HPSE2: variants seen among roughly 807,000 people sequenced by gnomAD.
HPSE2 encodes heparanase 2 (inactive).
A neutral mutation model predicts 60.5 loss-of-function variants in HPSE2; 38 were observed. That is an observed-to-expected ratio of 0.63 (90% CI 0.48 to 0.82). HPSE2 has a LOEUF of 0.82. Among genes scored for constraint, HPSE2 ranks in the 40% least tolerant of loss-of-function variants. The probability of loss-of-function intolerance (pLI) is 0.00; values close to 1 mark genes in which losing one functional copy is unlikely to be tolerated. For missense variants in HPSE2, 713 were observed against 740.4 expected (o/e 0.96, Z 0.43); for synonymous variants, 295 against 293.2 (o/e 1.01, Z -0.06).
chr10:98,937,871 A>G (rs556243177), intron 3 of HPSE2, among the ~76,000 whole-genome samples: 3,644 of 142,958 alleles, frequency 0.025, 393 homozygotes, highest in Admixed American at 0.06. Flanking sequence ...CACATGGCCC[A>G]GTACTCCTCT....
chr10:98,807,237 G>T (rs1951063335), intron 3 of HPSE2, among the ~76,000 whole-genome samples: 1 of 152,028 alleles, frequency 6.6e-6, no homozygotes, highest in African/African-American at 2.4e-5. Context: ...TTTTATATGT[G>T]GCAAAACATA....
At chr10:98,884,702 G>T (rs963961353) in intron 3 of HPSE2, among the ~76,000 whole-genome samples, 14 of 152,074 alleles carry the variant, frequency 9.2e-5, no homozygotes, top group African/African-American at 3.4e-4. Context: ...TTTTTTCATG[G>T]ATGGTGGAGG....
intron 3 of HPSE2, among the ~76,000 whole-genome samples, chr10:98,757,466 T>C (rs1949904489): frequency 6.6e-6 from 1 of 152,124 alleles, no homozygotes; most frequent in South Asian, 2.1e-4. Flanking sequence ...CTGGAATGGA[T>C]AAACAACTTC....
chr10:99,239,280 A>G (rs539605914), upstream of HPSE2, among the ~76,000 whole-genome samples: 50 of 152,260 alleles, frequency 3.3e-4, no homozygotes, highest in African/African-American at 1.1e-3. Flanking sequence ...TCATAGATAA[A>G]TTGCTTTGAT....
intron 2 of HPSE2, among the ~76,000 whole-genome samples, chr10:99,185,773 CA>C (rs200522473): frequency 1.4e-5 from 2 of 143,546 alleles, no homozygotes; most frequent in Non-Finnish European, 1.5e-5. Flanking sequence ...GACTCCATCT[CA>C]AAAAAAAAGA....
At chr10:98,507,604 C>T (rs1373522146) in intron 9 of HPSE2, among the ~76,000 whole-genome samples, 5 of 152,054 alleles carry the variant, frequency 3.3e-5, no homozygotes, top group Non-Finnish European at 5.9e-5. Flanking sequence ...ACTCCTTTTT[C>T]ATCCTTGCAT....
intron 3 of HPSE2, among the ~76,000 whole-genome samples, chr10:98,846,993 G>T (rs1463850173): frequency 6.6e-6 from 1 of 152,204 alleles, no homozygotes; most frequent in Non-Finnish European, 1.5e-5. Context: ...CATGATCTCA[G>T]AGAAGTTTCA....
At chr10:99,273,206 G>A in the HPSE2 span, among the ~76,000 whole-genome samples, 1 of 152,170 alleles carries the variant, frequency 6.6e-6, no homozygotes, top group African/African-American at 2.4e-5. Context: ...TCATAAGTGG[G>A]AGCTAAGTTG....
intron 3 of HPSE2, among the ~76,000 whole-genome samples, chr10:99,010,835 G>A (rs1010912001): frequency 3.9e-5 from 6 of 152,096 alleles, no homozygotes; most frequent in African/African-American, 1.4e-4. Context: ...TCAGAACACT[G>A]ACAAGTCGGT....
At chr10:98,557,325 A>G (rs1944040467) in intron 9 of HPSE2, among the ~76,000 whole-genome samples, 1 of 152,198 alleles carries the variant, frequency 6.6e-6, no homozygotes, top group African/African-American at 2.4e-5. Context: ...ACCTTTACCT[A>G]TATATGATCA....
chr10:99,122,552 A>C (rs1348043854), intron 3 of HPSE2, among the ~76,000 whole-genome samples: 1 of 151,966 alleles, frequency 6.6e-6, no homozygotes, highest in Non-Finnish European at 1.5e-5. Context: ...AAAACTTACA[A>C]GTGGAAAAAA....
chr10:98,608,470 G>A (rs1236101157), intron 9 of HPSE2, among the ~76,000 whole-genome samples: 1 of 152,228 alleles, frequency 6.6e-6, no homozygotes, highest in Non-Finnish European at 1.5e-5. Context: ...GAACGTCTAC[G>A]TGAAAGCATT....
chr10:99,085,755 T>G (rs1459867021), intron 3 of HPSE2, among the ~76,000 whole-genome samples: 9 of 152,198 alleles, frequency 5.9e-5, no homozygotes, highest in Non-Finnish European at 1.5e-5. Flanking sequence ...AATGTGTACT[T>G]TCAGGGCAAA....
chr10:98,987,111 G>GA (rs1279135498), intron 3 of HPSE2, among the ~76,000 whole-genome samples: 1 of 151,734 alleles, frequency 6.6e-6, no homozygotes, highest in African/African-American at 2.4e-5. Flanking sequence ...CCGATCAATA[G>GA]AAAAAGAGGG....
intron 5 of HPSE2, among the ~76,000 whole-genome samples, chr10:98,703,304 CA>C (rs1223694893): frequency 6.6e-6 from 1 of 151,910 alleles, no homozygotes; most frequent in Non-Finnish European, 1.5e-5. Context: ...GCCTACCAAC[CA>C]AAAAAGGTCT....
chr10:98,489,716 C>T (rs932464406), intron 10 of HPSE2, among the ~76,000 whole-genome samples: 1 of 152,148 alleles, frequency 6.6e-6, no homozygotes, highest in Non-Finnish European at 1.5e-5. Context: ...TTGGCTAAAG[C>T]TTAGGCACAC....
chr10:99,255,919 G>A, the HPSE2 span, among the ~76,000 whole-genome samples: 1 of 152,164 alleles, frequency 6.6e-6, no homozygotes, highest in Non-Finnish European at 1.5e-5. Flanking sequence ...CAGTTCCACA[G>A]GCTGTGAAGG....
At chr10:98,599,714 T>C (rs552232839) in intron 9 of HPSE2, among the ~76,000 whole-genome samples, 3 of 152,334 alleles carry the variant, frequency 2.0e-5, no homozygotes, top group South Asian at 2.1e-4. Context: ...TCCTTCCATA[T>C]TGAAGAGGTT....
chr10:98,552,858 C>T (rs1564962550), intron 9 of HPSE2, among the ~76,000 whole-genome samples: 1 of 152,076 alleles, frequency 6.6e-6, no homozygotes, highest in East Asian at 1.9e-4. Flanking sequence ...TCTTCTATAA[C>T]ATTTATTTTA....
Sources: gnomAD v4.1 joint callset for allele counts (sites outside exome capture counted in the v4.1 genomes callset) on GRCh38, gnomAD v4.1.1 for gene constraint, MANE v1.5 for transcripts, NCBI Gene and HGNC (gene_info 2026-07-23, HGNC 2026-07-21) for gene names.